Variants in RASA3 observed in about 807,000 individuals in gnomAD.
RASA3 encodes the protein RAS p21 protein activator 3, also known as ras GTPase-activating protein 3.
Under a neutral mutation model 110.0 loss-of-function variants are expected in RASA3, and 73 were observed. That is an observed-to-expected ratio of 0.66 (90% CI 0.55 to 0.81). RASA3 has a LOEUF of 0.81. Among genes scored for constraint, RASA3 ranks in the 30% least tolerant of loss-of-function variants. RASA3 has a pLI of 0.00. For synonymous variants in RASA3, 500 were observed against 451.4 expected (o/e 1.11, Z -1.37); for missense variants, 976 against 1,113.2 (o/e 0.88, Z 1.75).
intron 21 of RASA3, among the ~76,000 whole-genome samples, chr13:113,993,745 T>C (rs1438781102): frequency 1.4e-5 from 2 of 142,386 alleles, no homozygotes; most frequent in African/African-American, 5.4e-5. Flanking sequence ...AAGGTGGAGG[T>C]TGCAGTGAGC....
At position 114,033,871 on chromosome 13, in the gene RASA3, G is replaced by A. The variant is rs555760854; in HGVS notation, c.373-3984C>T. On this transcript the variant is annotated intron_variant, in intron 4 of 23. Coordinates refer to ENST00000334062, the MANE Select transcript of RASA3 (RefSeq NM_007368.4). The stretch of plus-strand genomic sequence containing the variant: ...TGAGGGGCCACAAGGATGTTGGGCC[G>A]GGAAGGTGGGCATGAACCCCACGCC... 2.0e-4 allele frequency among the ~76,000 whole-genome samples: 31 copies of A among 152,352 alleles called. No individual in the cohort carries two copies. In the East Asian group the frequency reaches 3.5e-3, roughly 17 times the overall value.
chr13:114,018,307 C>G (rs1414080163), intron 10 of RASA3, 55 bp from the exon 11 acceptor site: 1 of 1,503,956 alleles, frequency 6.6e-7, no homozygotes, highest in Non-Finnish European at 8.9e-7. Context: ...ACCCCAGAGG[C>G]CTGTCCCCAC....
At position 114,032,818 on chromosome 13, in the gene RASA3, C is replaced by G. The variant is rs1177318476; in HGVS notation, c.373-2931G>C. Among the ~76,000 whole-genome samples, 184 of 109,818 alleles carry G rather than the reference C, an allele frequency of 1.7e-3. 1 individual carries two copies. Among genetic ancestry groups the G allele is most frequent in the African/African-American group, 5.3e-3 (138 of 26,092 alleles). 72.0% of individuals were successfully genotyped at this position (109,818 alleles called of 152,430 possible). A position where few individuals can be genotyped will look rare whatever the true frequency, so the allele number is the denominator to read the frequency against. On this transcript the variant is annotated intron_variant, in intron 4 of 23. Coordinates refer to ENST00000334062, the MANE Select transcript of RASA3 (RefSeq NM_007368.4). ...CCCCACGGCACCCCCACACTGACAC[C>G]ACGCCCCACGGCACCCCCACACTTG...
At chr13:114,077,091 T>C (rs1369093615) in intron 1 of RASA3, among the ~76,000 whole-genome samples, 1 of 152,194 alleles carries the variant, frequency 6.6e-6, no homozygotes, top group African/African-American at 2.4e-5. Flanking sequence ...CTGTGGGAGA[T>C]GGTGTTTGTG....
intron 22 of RASA3, among the ~76,000 whole-genome samples, chr13:113,989,743 C>CT: frequency 6.6e-6 from 1 of 152,376 alleles, no homozygotes; most frequent in South Asian, 2.1e-4. Flanking sequence ...ATCCACCCAT[C>CT]TACCCACCCA....
At chr13:114,017,436 T>C (rs1172900700) in intron 11 of RASA3, 85 bp from the exon 12 acceptor site, 3 of 1,128,796 alleles carry the variant, frequency 2.7e-6, no homozygotes, top group Non-Finnish European at 4.0e-6. Flanking sequence ...AGCACCTGCC[T>C]GTGGGCTGTG....
At chr13:114,029,767 T>C (rs1046537572) in intron 5 of RASA3, 44 bp downstream of exon 5, 25 of 1,538,596 alleles carry the variant, frequency 1.6e-5, no homozygotes, top group Middle Eastern at 1.7e-4. Flanking sequence ...GAGCCAGACA[T>C]GCCACTCGCT....
chr13:114,030,380 AGACT>A (rs1462295053), intron 4 of RASA3, among the ~76,000 whole-genome samples: 2 of 118,166 alleles, frequency 1.7e-5, no homozygotes, highest in Non-Finnish European at 4.3e-5. Flanking sequence ...ACAGAGGGCA[AGACT>A]CACACAGGAG....
At chr13:114,029,948 CCG>C in intron 4 of RASA3, 61 bp from the exon 5 acceptor site, 3 of 1,468,670 alleles carry the variant, frequency 2.0e-6, no homozygotes, top group African/African-American at 1.4e-5. Context: ...GCCACTAGGG[CCG>C]CGCGCCCAGG....
chr13:114,007,604 G>T lies in RASA3; in HGVS notation c.1671C>A (p.Phe557Leu), dbSNP rs1308786818. The change falls in exon 18 of 24, where the codon TTC becomes TTA. Residue 557 changes from phenylalanine (F) to leucine (L), a missense_variant and splice_region_variant. Phe to Leu is a conservative substitution (Grantham distance 22). Around this residue, in one of 4 missense-constraint regions of RASA3, gnomAD observed 732 missense variants for 779.7 expected, o/e 0.94. Coordinates refer to ENST00000334062, the MANE Select transcript of RASA3 (RefSeq NM_007368.4). ...TCCCCGAGGACGAAATCAGATCCAA[G>T]AACTAAAGTTGGAAGAAATCAGGTC... Reference protein sequence around the residue: ...EQKYADAVKNFLDLISSSGRR... With the variant: ...EQKYADAVKNLLDLISSSGRR... The T allele has an allele frequency of 6.2e-7, 1 of 1,611,910 alleles. No individual in the cohort carries two copies. The highest frequency in any genetic ancestry group is 1.1e-5 in the South Asian group (1 of 91,046).
intron 1 of RASA3, among the ~76,000 whole-genome samples, chr13:114,090,002 A>G (rs2079871266): frequency 6.6e-6 from 1 of 152,136 alleles, no homozygotes; most frequent in Non-Finnish European, 1.5e-5. Context: ...TGGCCAGATG[A>G]TATTTCATGT....
At chr13:114,128,949 T>C (rs1485579512) in intron 1 of RASA3, among the ~76,000 whole-genome samples, 2 of 151,792 alleles carry the variant, frequency 1.3e-5, no homozygotes, top group Admixed American at 6.6e-5. Context: ...CTGTAACAGA[T>C]TGAGAGAAAC....
intron 7 of RASA3, among the ~76,000 whole-genome samples, chr13:114,026,619 C>A (rs566364396): frequency 1.3e-5 from 2 of 152,218 alleles, no homozygotes; most frequent in African/African-American, 4.8e-5. Context: ...CTGCATGCAT[C>A]GAGCCCCACT....
chr13:114,127,784 T>C (rs2080469751), intron 1 of RASA3, among the ~76,000 whole-genome samples: 2 of 152,128 alleles, frequency 1.3e-5, no homozygotes, highest in African/African-American at 4.8e-5. Flanking sequence ...TACTAAGTGG[T>C]GAGGAGAAGA....
intron 1 of RASA3, among the ~76,000 whole-genome samples, chr13:114,077,331 C>T (rs570195987): frequency 1.1e-3 from 167 of 150,456 alleles, no homozygotes; most frequent in African/African-American, 3.8e-3. Flanking sequence ...CTGGCACCAA[C>T]GCACCAGGTT....
At chr13:113,996,415 C>T (rs2053257905) in intron 21 of RASA3, 116 bp downstream of exon 21, 1 of 1,093,260 alleles carries the variant, frequency 9.1e-7, no homozygotes. Context: ...CGAGGGCAGC[C>T]CTGTTTATGT....
chr13:114,005,756 C>A (rs1001140483), intron 18 of RASA3, among the ~76,000 whole-genome samples: 21 of 149,404 alleles, frequency 1.4e-4, no homozygotes, highest in Admixed American at 6.0e-4. Flanking sequence ...CCGGCCCTGC[C>A]GGATGCCACC....
At chr13:114,076,727 C>T (rs984463962) in intron 1 of RASA3, among the ~76,000 whole-genome samples, 3 of 152,052 alleles carry the variant, frequency 2.0e-5, no homozygotes, top group African/African-American at 4.8e-5. Context: ...TCCTGGTGGC[C>T]GCGGCTGCCC....
intron 4 of RASA3, among the ~76,000 whole-genome samples, chr13:114,033,769 CT>C (rs2054227950): frequency 6.6e-6 from 1 of 152,254 alleles, no homozygotes; most frequent in African/African-American, 2.4e-5. Flanking sequence ...GGGGCCTCCG[CT>C]GCTGTCCTGA....
Sources: allele counts gnomAD v4.1 joint callset (sites outside exome capture counted in the v4.1 genomes callset), GRCh38; gene constraint gnomAD v4.1.1; regional missense constraint gnomAD v4.1.1; transcripts MANE v1.5; gene names NCBI Gene and HGNC (gene_info 2026-07-23, HGNC 2026-07-21).